WDR19: variants seen among roughly 807,000 people sequenced by gnomAD.
The protein encoded by WDR19 is WD repeat domain 19.
Under a neutral mutation model 180.0 loss-of-function variants are expected in WDR19, and 121 were observed. The ratio of observed to expected loss-of-function variants is 0.67; its 90% CI spans 0.58 to 0.78. The LOEUF is 0.78. Among genes scored for constraint, WDR19 ranks in the 30% least tolerant of loss-of-function variants. WDR19 has a pLI of 0.00. For missense variants in WDR19, 1,450 were observed against 1,640.7 expected (o/e 0.88, Z 2.01); for synonymous variants, 497 against 540.7 (o/e 0.92, Z 1.12).
intron 23 of WDR19, 131 bp from the exon 24 acceptor site, chr4:39,245,238 G>T (rs529086182): frequency 8.8e-5 from 61 of 691,516 alleles, no homozygotes; most frequent in African/African-American, 6.4e-4. Context: ...ACTGCACCCC[G>T]CCAGGAGCCA....
intron 4 of WDR19, among the ~76,000 whole-genome samples, chr4:39,190,874 G>A (rs552024886): frequency 6.6e-6 from 1 of 152,238 alleles, no homozygotes; most frequent in South Asian, 2.1e-4. Context: ...TCCATTCAAG[G>A]GAAAGTTTAA....
chr4:39,239,032 A>G (rs550513025), intron 20 of WDR19, among the ~76,000 whole-genome samples: 10 of 152,304 alleles, frequency 6.6e-5, no homozygotes, highest in Non-Finnish European at 1.5e-4. Context: ...GCTGGAGTAC[A>G]GTGGCGCAAT....
intron 28 of WDR19, among the ~76,000 whole-genome samples, chr4:39,262,141 A>G (rs1201031611): frequency 6.6e-6 from 1 of 152,214 alleles, no homozygotes; most frequent in African/African-American, 2.4e-5. Flanking sequence ...ACTAACCTAC[A>G]GACACCCAGA....
rs368834274 is a variant in WDR19, at chr4:39,204,078, GT to G, written c.603+365del. Among the ~76,000 whole-genome samples, 276 of 149,044 alleles carry G rather than the reference GT, an allele frequency of 1.9e-3. 1 individual carries two copies. Among genetic ancestry groups the G allele is most frequent in the African/African-American group, 6.5e-3 (265 of 40,690 alleles). On this transcript the variant is annotated intron_variant, in intron 7 of 36. Transcript: ENST00000399820. The stretch of plus-strand genomic sequence containing the variant: ...GCAGACCTCTTGAAGTTGTAGGCTT[GT>G]TTTTTTTTGTTTGTTTTTTTTTTGA...
chr4:39,281,228 T>TAGAGAGAGAGAGAGAGAGAGAG (rs1437561762), intron 36 of WDR19, among the ~76,000 whole-genome samples: 1 of 98,730 alleles, frequency 1.0e-5, no homozygotes, highest in Admixed American at 8.8e-5. Flanking sequence ...TATATATATA[T>TAGAGAGAGAGAGAGAGAGAGAG]ATATATATAG....
intron 24 of WDR19, among the ~76,000 whole-genome samples, chr4:39,252,106 C>G (rs913361958): frequency 5.3e-5 from 8 of 151,292 alleles, no homozygotes; most frequent in African/African-American, 2.0e-4. Context: ...TTGGAACCAA[C>G]CCAAATGTCC....
chr4:39,255,001 G>A (rs1490693206), intron 26 of WDR19, among the ~76,000 whole-genome samples: 1 of 152,122 alleles, frequency 6.6e-6, no homozygotes, highest in Non-Finnish European at 1.5e-5. Flanking sequence ...TTAGGTAAAA[G>A]CTTCTTGGGA....
At chr4:39,232,977 AT>A (rs1731032802) in intron 19 of WDR19, among the ~76,000 whole-genome samples, 1 of 152,230 alleles carries the variant, frequency 6.6e-6, no homozygotes, top group African/African-American at 2.4e-5. Context: ...GATTGTGTAA[AT>A]TACAAAAACA....
At chr4:39,264,243 G>A (rs973911831) in intron 28 of WDR19, among the ~76,000 whole-genome samples, 4 of 152,198 alleles carry the variant, frequency 2.6e-5, no homozygotes, top group African/African-American at 9.7e-5. Flanking sequence ...ACCTCCAGCA[G>A]GCTGGCTCCA....
At chr4:39,276,399 G>C (rs1246219310) in intron 33 of WDR19, among the ~76,000 whole-genome samples, 1 of 152,182 alleles carries the variant, frequency 6.6e-6, no homozygotes, top group African/African-American at 2.4e-5. Flanking sequence ...GCTAGCTGGG[G>C]CTCTGGCTGG....
At chr4:39,194,697 T>A (rs771964094) in intron 5 of WDR19, 38 bp downstream of exon 5, 1 of 1,455,474 alleles carries the variant, frequency 6.9e-7, no homozygotes, top group Non-Finnish European at 9.5e-7. Context: ...ATATTTGAGA[T>A]GCTCTACCTC....
chr4:39,202,657 T>C (rs568294225), intron 6 of WDR19, among the ~76,000 whole-genome samples: 1 of 151,710 alleles, frequency 6.6e-6, no homozygotes, highest in Admixed American at 6.6e-5. Flanking sequence ...ACCCTTCAGA[T>C]ACACCTCCTA....
intron 9 of WDR19, among the ~76,000 whole-genome samples, chr4:39,207,022 TAAC>T (rs1250544874): frequency 6.6e-6 from 1 of 151,986 alleles, no homozygotes; most frequent in Admixed American, 6.6e-5. Context: ...GCTCAGGAAA[TAAC>T]AATAAAAAAA....
Position 39,285,718 on chromosome 4 carries a change from C to CTGTT in WDR19, c.*246_*249dup, listed in dbSNP as rs1416330778. The CTGTT allele has an allele frequency of 6.6e-6, 1 of 152,210 alleles. No homozygotes were observed. Among genetic ancestry groups the CTGTT allele is most frequent in the Admixed American group, 6.5e-5 (1 of 15,284 alleles). 9.4% of individuals were successfully genotyped at this position (152,210 alleles called of 1,614,324 possible). On this transcript the variant is annotated 3_prime_UTR_variant, in exon 37 of 37. Coordinates refer to ENST00000399820, the MANE Select transcript of WDR19 (RefSeq NM_025132.4). ...TTTCTTACACACTCTATCCTCTGCA[C>CTGTT]TGTTAATAGTAACCTATGACATAAT...
At chr4:39,221,031 T>C (rs1319423244) in intron 14 of WDR19, among the ~76,000 whole-genome samples, 1 of 151,712 alleles carries the variant, frequency 6.6e-6, no homozygotes, top group Non-Finnish European at 1.5e-5. Flanking sequence ...CCTAAATTAT[T>C]TTTTTTAAAA....
chr4:39,237,030 T>G lies in WDR19; in HGVS notation c.2363+2155T>G, dbSNP rs78981056. Among the ~76,000 whole-genome samples, 2,282 of 152,344 alleles carry G rather than the reference T, an allele frequency of 0.015. 344 individuals carry two copies. In the East Asian group the frequency reaches 0.35, roughly 23 times the overall value. ...TAATTTATTTGCAAATATAATTTTG[T>G]ACATGTATGTGTAATGACAACCAAT... On this transcript the variant is annotated intron_variant, in intron 20 of 36. Transcript: ENST00000399820.
Position 39,253,131 on chromosome 4 carries a change from G to A in WDR19, c.2730-15G>A, listed in dbSNP as rs762024430. ...ACAGTGTTAAAAAAAGTTTATCTGA[G>A]CTATTTTTTTACAGATACAAAGAAG... is the stretch of plus-strand genomic sequence containing the variant. On this transcript the variant is annotated splice_polypyrimidine_tract_variant and intron_variant, in intron 24 of 36. Coordinates refer to ENST00000399820, the MANE Select transcript of WDR19 (RefSeq NM_025132.4). 1 of 1,558,032 alleles carries A rather than the reference G, an allele frequency of 6.4e-7. No homozygotes were observed. Among genetic ancestry groups the A allele is most frequent in the Non-Finnish European group, 8.6e-7 (1 of 1,157,988 alleles).
At chr4:39,277,391 A>T (rs1046700129) in intron 34 of WDR19, among the ~76,000 whole-genome samples, 6 of 152,234 alleles carry the variant, frequency 3.9e-5, no homozygotes, top group Non-Finnish European at 8.8e-5. Flanking sequence ...TCCCGGGCTC[A>T]GTCCTCTGTA....
At chr4:39,282,967 T>G (rs1022592355) in intron 36 of WDR19, among the ~76,000 whole-genome samples, 1 of 152,216 alleles carries the variant, frequency 6.6e-6, no homozygotes, top group Non-Finnish European at 1.5e-5. Context: ...CTTTCCAATC[T>G]TTATAACTTT....
Sources: gnomAD v4.1 joint callset for allele counts (sites outside exome capture counted in the v4.1 genomes callset) on GRCh38, gnomAD v4.1.1 for gene constraint, MANE v1.5 for transcripts, NCBI Gene and HGNC (gene_info 2026-07-23, HGNC 2026-07-21) for gene names.